Variants in RANBP2 observed in about 807,000 individuals in gnomAD.
RANBP2 encodes E3 SUMO-protein ligase RanBP2.
RANBP2 carries 57 observed loss-of-function variants against 303.6 expected under a neutral mutation model. The observed-to-expected ratio is 0.19, with a 90% CI of 0.15 to 0.23. The LOEUF (loss-of-function observed/expected upper bound fraction) is 0.23, where lower values mean the gene tolerates loss of function less well. RANBP2 is among the 10% of genes least tolerant of loss of function. RANBP2 has a pLI of 1.00. For missense variants in RANBP2, 3,138 were observed against 3,780.8 expected, an observed-to-expected ratio of 0.83 and a Z score of 4.46; for synonymous variants, 1,167 against 1,301.5, an observed-to-expected ratio of 0.90 and a Z score of 2.23.
chr2:108,978,645 A>C, the RANBP2 span, among the ~76,000 whole-genome samples: 117,798 of 152,092 alleles, frequency 0.77, 47,163 homozygotes, highest in South Asian at 0.87. Flanking sequence ...AATATTAGAG[A>C]GACCTAGTTA....
the RANBP2 span, among the ~76,000 whole-genome samples, chr2:109,588,872 A>T: frequency 6.7e-6 from 1 of 148,724 alleles, no homozygotes; most frequent in Non-Finnish European, 1.5e-5. Flanking sequence ...AAAAAAAGCG[A>T]AAGAGGTATA....
the RANBP2 span, among the ~76,000 whole-genome samples, chr2:109,298,040 G>A: frequency 3.3e-5 from 5 of 152,180 alleles, no homozygotes; most frequent in African/African-American, 4.8e-5. Context: ...TGCAGTGTGG[G>A]AACGTACCCT....
intron 17 of RANBP2, among the ~76,000 whole-genome samples, chr2:108,756,541 G>C (rs753908245): frequency 9.2e-5 from 14 of 152,196 alleles, no homozygotes; most frequent in Non-Finnish European, 1.9e-4. Flanking sequence ...TGGTGGGGAA[G>C]ACATTTTTGA....
chr2:109,728,638 T>C, the RANBP2 span, among the ~76,000 whole-genome samples: 3 of 151,066 alleles, frequency 2.0e-5, no homozygotes, highest in African/African-American at 2.4e-5. Context: ...GTATTTTTAG[T>C]AAAGAGGGGT....
the RANBP2 span, among the ~76,000 whole-genome samples, chr2:108,939,334 G>A: frequency 2.6e-5 from 4 of 151,906 alleles, no homozygotes; most frequent in Non-Finnish European, 5.9e-5. Context: ...CTACAGGCGT[G>A]CGCCACCACA....
the RANBP2 span, chr2:109,419,677 C>A: frequency 6.5e-7 from 1 of 1,539,410 alleles, no homozygotes; most frequent in Non-Finnish European, 8.8e-7. Flanking sequence ...GGGTCCTGTG[C>A]CTGCAGCCCT....
chr2:109,146,495 C>T, the RANBP2 span, among the ~76,000 whole-genome samples: 2 of 152,118 alleles, frequency 1.3e-5, no homozygotes, highest in African/African-American at 4.8e-5. Flanking sequence ...TGTGAATGTT[C>T]AATGGCAGGA....
intron 8 of RANBP2, among the ~76,000 whole-genome samples, chr2:108,748,520 C>T (rs1033240752): frequency 8.6e-5 from 13 of 151,796 alleles, no homozygotes; most frequent in African/African-American, 1.7e-4. Context: ...CGTGCCCAGC[C>T]GGAAATAATT....
At chr2:109,176,036 T>C in the RANBP2 span, among the ~76,000 whole-genome samples, 1 of 152,004 alleles carries the variant, frequency 6.6e-6, no homozygotes, top group African/African-American at 2.4e-5. Context: ...TCCTTGAGAC[T>C]CTGTCTTCAC....
At chr2:108,792,736 A>T in the RANBP2 span, among the ~76,000 whole-genome samples, 1 of 152,296 alleles carries the variant, frequency 6.6e-6, no homozygotes, top group African/African-American at 2.4e-5. Context: ...CCTTTTTTAA[A>T]GCTGGGGCTT....
the RANBP2 span, among the ~76,000 whole-genome samples, chr2:108,827,031 A>G: frequency 5.3e-5 from 8 of 152,274 alleles, no homozygotes; most frequent in Middle Eastern, 3.4e-3. Context: ...TCTTAAATTC[A>G]TTTTTGGATT....
the RANBP2 span, among the ~76,000 whole-genome samples, chr2:109,482,382 TAATA>T: frequency 3.9e-5 from 6 of 152,226 alleles, no homozygotes; most frequent in Non-Finnish European, 7.3e-5. Flanking sequence ...ATCAGCCAAC[TAATA>T]AATACCAGGG....
the RANBP2 span, among the ~76,000 whole-genome samples, chr2:109,265,488 T>C: frequency 6.6e-6 from 1 of 152,194 alleles, no homozygotes; most frequent in South Asian, 2.1e-4. Flanking sequence ...TTCAGGGCAG[T>C]GGCACCCTGC....
chr2:109,253,538 T>A, the RANBP2 span, among the ~76,000 whole-genome samples: 1 of 152,184 alleles, frequency 6.6e-6, no homozygotes, highest in African/African-American at 2.4e-5. Flanking sequence ...ATACCACTTG[T>A]GTCCATGATT....
At chr2:109,347,623 G>C in the RANBP2 span, 1 of 1,586,038 alleles carries the variant, frequency 6.3e-7, no homozygotes, top group Non-Finnish European at 8.6e-7. Context: ...TCCACTGTGG[G>C]GCATTGGGAA....
the RANBP2 span, among the ~76,000 whole-genome samples, chr2:109,291,622 A>G: frequency 6.6e-6 from 1 of 152,156 alleles, no homozygotes; most frequent in East Asian, 1.9e-4. Flanking sequence ...GTGGTGGGGA[A>G]ATGTGTGGAG....
the RANBP2 span, among the ~76,000 whole-genome samples, chr2:109,076,768 C>G: frequency 6.6e-6 from 1 of 150,414 alleles, no homozygotes; most frequent in Non-Finnish European, 1.5e-5. Context: ...GGAACGATAT[C>G]TCATCTTAAT....
the RANBP2 span, among the ~76,000 whole-genome samples, chr2:109,508,692 C>T: frequency 2.0e-5 from 3 of 152,176 alleles, no homozygotes; most frequent in African/African-American, 7.2e-5. Context: ...ATGGGACACC[C>T]ACTCACCACA....
At chr2:109,575,564 G>C in the RANBP2 span, among the ~76,000 whole-genome samples, 4 of 152,326 alleles carry the variant, frequency 2.6e-5, no homozygotes, top group East Asian at 5.8e-4. Context: ...TGCATGTGCA[G>C]AGCAGTGTGC....
Sources: gnomAD v4.1 joint callset for allele counts (sites outside exome capture counted in the v4.1 genomes callset) on GRCh38, gnomAD v4.1.1 for gene constraint, MANE v1.5 for transcripts, NCBI Gene and HGNC (gene_info 2026-07-23, HGNC 2026-07-21) for gene names.